Variants in ATP6V0D2 observed in about 807,000 individuals in gnomAD.
The protein encoded by ATP6V0D2 is V-type proton ATPase subunit d 2.
In ATP6V0D2, 40 loss-of-function variants were observed where a neutral mutation model predicts 40.0. The observed-to-expected ratio is 1.00, with a 90% CI of 0.78 to 1.30. The LOEUF is 1.30. ATP6V0D2 is among the 50% of genes most tolerant of loss of function. ATP6V0D2 has a pLI of 0.00. For synonymous variants in ATP6V0D2, 179 were observed against 156.3 expected, an observed-to-expected ratio of 1.15 and a Z score of -1.08; for missense variants, 470 against 423.1, an observed-to-expected ratio of 1.11 and a Z score of -0.97.
intron 5 of ATP6V0D2, 146 bp downstream of exon 5, chr8:86,143,100 T>A (rs1025333718): frequency 5.9e-6 from 3 of 509,496 alleles, no homozygotes; most frequent in Non-Finnish European, 1.0e-5. Flanking sequence ...ACATATGATT[T>A]GATATATTTG....
At chr8:86,110,273 T>G (rs1268196693) in intron 1 of ATP6V0D2, among the ~76,000 whole-genome samples, 2 of 152,120 alleles carry the variant, frequency 1.3e-5, no homozygotes, top group Non-Finnish European at 2.9e-5. Context: ...TTTTGTCTTT[T>G]TAGTAGAGAC....
chr8:86,104,117 C>T (rs1468210435), intron 1 of ATP6V0D2, among the ~76,000 whole-genome samples: 1 of 152,034 alleles, frequency 6.6e-6, no homozygotes, highest in African/African-American at 2.4e-5. Flanking sequence ...CATGACCCAC[C>T]GCGGCTGGCC....
intron 7 of ATP6V0D2, 30 bp from the exon 8 acceptor site, chr8:86,152,786 T>C (rs1369525675): frequency 6.4e-7 from 1 of 1,572,534 alleles, no homozygotes; most frequent in Non-Finnish European, 8.6e-7. Context: ...AATAAGTTGA[T>C]GATCTGTGTT....
At chr8:86,119,602 A>C (rs1818642222) in intron 2 of ATP6V0D2, among the ~76,000 whole-genome samples, 1 of 152,154 alleles carries the variant, frequency 6.6e-6, no homozygotes, top group African/African-American at 2.4e-5. Flanking sequence ...TTTCACAACA[A>C]ACTACTGTGT....
chr8:86,104,002 T>G (rs1185777393), intron 1 of ATP6V0D2, among the ~76,000 whole-genome samples: 1 of 151,978 alleles, frequency 6.6e-6, no homozygotes, highest in African/African-American at 2.4e-5. Flanking sequence ...ATTTTTTGTA[T>G]TTTTAGTAGA....
rs768611666 is a variant in ATP6V0D2, at chr8:86,139,544, C to T, written c.390C>T (p.His130=). The stretch of plus-strand genomic sequence containing the variant: ...TGAAAGAAATTCTGGGGAAGTGCCA[C>T]CCCTTGGGCCGTTTCACAGAAATGG... ...KSVKEILGKC[H]PLGRFTEMEA... Residue 130 remains histidine, a synonymous_variant, in exon 3 of 8, where the codon CAC becomes CAT. Transcript: ENST00000285393. 1.2e-6 allele frequency: 2 copies of T among 1,613,720 alleles called. No homozygotes were observed. The highest frequency in any genetic ancestry group is 2.2e-5 in the East Asian group (1 of 44,858).
chr8:86,139,614 A>T lies in ATP6V0D2; in HGVS notation c.460A>T (p.Ile154Phe). 7 of 1,600,880 alleles carry T rather than the reference A, an allele frequency of 4.4e-6. No homozygotes were observed. The highest frequency in any genetic ancestry group is 6.0e-6 in the Non-Finnish European group (7 of 1,174,838). ...AETPSDLFNAILIETPLAPFF... is the reference protein window; with the variant it reads ...AETPSDLFNAFLIETPLAPFF... ...GACACCTTCAGATCTCTTTAATGCC[A>T]TTCTGATCGAAACGCCATTAGGTAG... Residue 154 changes from isoleucine to phenylalanine, a missense_variant, in exon 3 of 8, where the codon ATT (isoleucine) becomes TTT (phenylalanine). Physicochemically the swap from Ile to Phe is conservative, Grantham distance 21. Coordinates refer to ENST00000285393, the MANE Select transcript of ATP6V0D2 (RefSeq NM_152565.1).
intron 2 of ATP6V0D2, among the ~76,000 whole-genome samples, chr8:86,125,723 TG>T (rs1236621668): frequency 1.3e-5 from 2 of 152,000 alleles, no homozygotes; most frequent in Non-Finnish European, 1.5e-5. Flanking sequence ...TTGTGAAAAA[TG>T]TTTTTTTATA....
Position 86,150,184 on chromosome 8 carries a change from G to T in ATP6V0D2, c.712G>T (p.Glu238Ter). 1 of 1,613,414 alleles carries T rather than the reference G, an allele frequency of 6.2e-7. No homozygotes were observed. The highest frequency in any genetic ancestry group is 8.5e-7 in the Non-Finnish European group (1 of 1,179,888). ...CACTGAATTGAGCAAAGAAGACCGAGAGACCCTCTATCCAACCTTCGGCAA... is the reference window on the plus strand; with the variant it reads ...CACTGAATTGAGCAAAGAAGACCGATAGACCCTCTATCCAACCTTCGGCAA... ...FGTELSKEDR[E>*]TLYPTFGKLY... The change falls in exon 6 of 8, where the codon GAG becomes TAG. Residue 238 changes from glutamate (E) to a stop codon, truncating the protein, a stop_gained. Coordinates refer to ENST00000285393, the MANE Select transcript of ATP6V0D2 (RefSeq NM_152565.1). LOFTEE classifies it high-confidence loss of function.
chr8:86,120,604 T>G (rs1818656906), intron 2 of ATP6V0D2, among the ~76,000 whole-genome samples: 1 of 152,110 alleles, frequency 6.6e-6, no homozygotes, highest in African/African-American at 2.4e-5. Flanking sequence ...CATTCTTCCA[T>G]TAGCCACAGT....
intron 5 of ATP6V0D2, among the ~76,000 whole-genome samples, chr8:86,145,697 C>T (rs894956569): frequency 1.2e-4 from 19 of 152,154 alleles, no homozygotes; most frequent in African/African-American, 3.9e-4. Flanking sequence ...ACTAGCCATA[C>T]TATAAGAATC....
At chr8:86,105,722 C>A (rs1444247050) in intron 1 of ATP6V0D2, among the ~76,000 whole-genome samples, 1 of 148,720 alleles carries the variant, frequency 6.7e-6, no homozygotes. Flanking sequence ...TCATGCCATT[C>A]TCCTGCCTCA....
At chr8:86,129,870 T>C (rs1270979885) in intron 2 of ATP6V0D2, among the ~76,000 whole-genome samples, 1 of 141,266 alleles carries the variant, frequency 7.1e-6, no homozygotes, top group East Asian at 2.2e-4. Context: ...GCAGTTACTC[T>C]GGAGGCTGAG....
chr8:86,125,262 G>A (rs1480489948), intron 2 of ATP6V0D2, among the ~76,000 whole-genome samples: 1 of 152,088 alleles, frequency 6.6e-6, no homozygotes, highest in African/African-American at 2.4e-5. Context: ...GTATGGCAAG[G>A]CATCAATCAA....
At chr8:86,107,801 G>T (rs911294760) in intron 1 of ATP6V0D2, among the ~76,000 whole-genome samples, 1 of 152,172 alleles carries the variant, frequency 6.6e-6, no homozygotes, top group Non-Finnish European at 1.5e-5. Context: ...ACGGGAGTGA[G>T]CAGCAGAAAT....
At chr8:86,099,731 T>A (rs1484110227) in intron 1 of ATP6V0D2, among the ~76,000 whole-genome samples, 1 of 152,190 alleles carries the variant, frequency 6.6e-6, no homozygotes, top group Non-Finnish European at 1.5e-5. Flanking sequence ...TGACCTCAGG[T>A]GATCCGACTG....
intron 2 of ATP6V0D2, among the ~76,000 whole-genome samples, chr8:86,121,149 C>A (rs1393208923): frequency 1.3e-5 from 2 of 152,218 alleles, no homozygotes; most frequent in Non-Finnish European, 2.9e-5. Flanking sequence ...GACTAGATAG[C>A]ACCAAAGCCT....
At chr8:86,112,144 G>T (rs1818534687) in intron 1 of ATP6V0D2, among the ~76,000 whole-genome samples, 1 of 152,148 alleles carries the variant, frequency 6.6e-6, no homozygotes, top group African/African-American at 2.4e-5. Context: ...GGAGTCACAG[G>T]TAAAAGATAT....
chr8:86,113,994 G>T, intron 2 of ATP6V0D2, 114 bp downstream of exon 2: 1 of 1,016,276 alleles, frequency 9.8e-7, no homozygotes, highest in Non-Finnish European at 1.4e-6. Context: ...TCCATTGTTT[G>T]TAAGTTTAAA....
Sources: allele counts gnomAD v4.1 joint callset (sites outside exome capture counted in the v4.1 genomes callset), GRCh38; gene constraint gnomAD v4.1.1; transcripts MANE v1.5; gene names NCBI Gene and HGNC (gene_info 2026-07-23, HGNC 2026-07-21).